The following CDH13 variants were observed in gnomAD, a reference collection of about 807,000 sequenced individuals.
The protein encoded by CDH13 is cadherin-13.
In CDH13, 24 loss-of-function variants were observed where a neutral mutation model predicts 63.8. The ratio of observed to expected loss-of-function variants is 0.38; its 90% CI spans 0.27 to 0.53. CDH13 has a LOEUF of 0.53. Among genes scored for constraint, CDH13 ranks in the 20% least tolerant of loss-of-function variants. The pLI, the probability that CDH13 is intolerant of heterozygous loss-of-function variation, is 0.85. For synonymous variants in CDH13, 503 were observed against 355.3 expected (o/e 1.42, Z -4.67); for missense variants, 1,049 against 903.1 (o/e 1.16, Z -2.07).
chr16:83,681,579 C>T lies in CDH13; in HGVS notation c.1538+3118C>T, dbSNP rs552715340. ...TCCGTTCTTCTCCCCTTCACTCCCT[C>T]CTACCCACCTTTCCCTCCTTTCTCT... On this transcript the variant is annotated intron_variant, in intron 10 of 13. Transcript: ENST00000567109. 1.1e-4 allele frequency among the ~76,000 whole-genome samples: 17 copies of T among 152,266 alleles called. No individual in the cohort carries two copies. In the East Asian group the frequency reaches 3.3e-3, roughly 29 times the overall value.
intron 4 of CDH13, among the ~76,000 whole-genome samples, chr16:83,194,841 C>T (rs966383623): frequency 6.6e-6 from 1 of 152,154 alleles, no homozygotes; most frequent in Middle Eastern, 3.2e-3. Flanking sequence ...CGGTCATCAT[C>T]ATTTCAGGAG....
At chr16:83,691,268 TTC>T (rs1354159865) in intron 10 of CDH13, among the ~76,000 whole-genome samples, 1 of 152,128 alleles carries the variant, frequency 6.6e-6, no homozygotes, top group African/African-American at 2.4e-5. Flanking sequence ...TTCGGTCTTG[TTC>T]TTGTTGAGTT....
chr16:83,334,091 C>T (rs115217515), intron 5 of CDH13, among the ~76,000 whole-genome samples: 1,757 of 152,216 alleles, frequency 0.012, 39 homozygotes, highest in African/African-American at 0.04. Flanking sequence ...TTCCTGGCCT[C>T]ATGGTACCTT....
At chr16:82,890,183 G>C (rs9937259) in intron 2 of CDH13, among the ~76,000 whole-genome samples, 1 of 152,056 alleles carries the variant, frequency 6.6e-6, no homozygotes, top group African/African-American at 2.4e-5. Flanking sequence ...ATGTAGGCTT[G>C]TAAGGAGGGA....
intron 6 of CDH13, among the ~76,000 whole-genome samples, chr16:83,371,656 G>A (rs1233349136): frequency 1.3e-5 from 2 of 152,112 alleles, no homozygotes; most frequent in East Asian, 1.9e-4. Flanking sequence ...TCAATTTAAA[G>A]TATATTGAAA....
chr16:82,717,308 C>T (rs979296978), intron 1 of CDH13, among the ~76,000 whole-genome samples: 5 of 151,832 alleles, frequency 3.3e-5, no homozygotes, highest in African/African-American at 1.2e-4. Flanking sequence ...TGGTGGTTCG[C>T]AGCTGTAATC....
At chr16:83,326,784 C>T (rs1458749544) in intron 5 of CDH13, among the ~76,000 whole-genome samples, 1 of 152,138 alleles carries the variant, frequency 6.6e-6, no homozygotes, top group Non-Finnish European at 1.5e-5. Flanking sequence ...TGACACTGTG[C>T]CAGGAGAGTC....
intron 3 of CDH13, among the ~76,000 whole-genome samples, chr16:83,050,439 C>T (rs996637485): frequency 2.0e-5 from 3 of 152,110 alleles, no homozygotes; most frequent in African/African-American, 7.2e-5. Context: ...AATGCTCTTC[C>T]GTTTGCTGTT....
chr16:83,170,266 GA>G (rs755751854), intron 4 of CDH13, among the ~76,000 whole-genome samples: 3 of 151,646 alleles, frequency 2.0e-5, no homozygotes, highest in East Asian at 1.9e-4. Context: ...TTTTCCTCTA[GA>G]AAAAAAATGT....
intron 10 of CDH13, among the ~76,000 whole-genome samples, chr16:83,723,539 C>T (rs1909966931): frequency 6.6e-6 from 1 of 152,178 alleles, no homozygotes; most frequent in Non-Finnish European, 1.5e-5. Flanking sequence ...TTCAGTCTCA[C>T]TATCATCTCC....
At chr16:83,625,834 C>T (rs1910246865) in intron 8 of CDH13, among the ~76,000 whole-genome samples, 1 of 152,118 alleles carries the variant, frequency 6.6e-6, no homozygotes, top group African/African-American at 2.4e-5. Context: ...AAAGCAAGGT[C>T]GGCCTACCCT....
intron 6 of CDH13, among the ~76,000 whole-genome samples, chr16:83,457,230 T>C (rs902127010): frequency 3.0e-4 from 46 of 152,298 alleles, no homozygotes; most frequent in African/African-American, 1.1e-3. Flanking sequence ...TTTTGGGGAT[T>C]AGACCCAAGA....
At chr16:83,217,676 G>C (rs1413040408) in intron 5 of CDH13, among the ~76,000 whole-genome samples, 179 bp downstream of exon 5, 1 of 152,128 alleles carries the variant, frequency 6.6e-6, no homozygotes, top group Non-Finnish European at 1.5e-5. Context: ...ACAGTGGGGG[G>C]TCTTTATCTC....
intron 1 of CDH13, among the ~76,000 whole-genome samples, chr16:82,805,214 G>A (rs768996934): frequency 3.9e-4 from 59 of 152,182 alleles, no homozygotes; most frequent in Non-Finnish European, 7.8e-4. Flanking sequence ...AGCTGTTGGT[G>A]GGAGAGAGGT....
intron 10 of CDH13, among the ~76,000 whole-genome samples, chr16:83,681,467 G>C (rs935876315): frequency 2.0e-5 from 3 of 152,110 alleles, no homozygotes; most frequent in Non-Finnish European, 4.4e-5. Flanking sequence ...TCACTCCTCA[G>C]GCATATTCCT....
intron 7 of CDH13, among the ~76,000 whole-genome samples, chr16:83,553,698 A>C (rs2075552517): frequency 6.6e-6 from 1 of 152,194 alleles, no homozygotes; most frequent in Non-Finnish European, 1.5e-5. Context: ...TTGGGATTAC[A>C]GGCACCCACC....
intron 3 of CDH13, among the ~76,000 whole-genome samples, chr16:83,094,169 G>A (rs971297689): frequency 6.6e-6 from 1 of 152,200 alleles, no homozygotes; most frequent in Non-Finnish European, 1.5e-5. Flanking sequence ...AAGCAAAGTA[G>A]AAAATGGAGA....
chr16:82,873,885 T>C (rs2040421711), intron 2 of CDH13, among the ~76,000 whole-genome samples: 2 of 152,128 alleles, frequency 1.3e-5, no homozygotes, highest in Non-Finnish European at 2.9e-5. Flanking sequence ...CTTTTAAGTA[T>C]TTTCATGTTC....
chr16:83,037,356 C>A (rs538604605), intron 3 of CDH13, among the ~76,000 whole-genome samples: 1 of 152,262 alleles, frequency 6.6e-6, no homozygotes, highest in South Asian at 2.1e-4. Context: ...GCCTAAATAC[C>A]CATTCTCCTT....
Sources: allele counts gnomAD v4.1 joint callset (sites outside exome capture counted in the v4.1 genomes callset), GRCh38; gene constraint gnomAD v4.1.1; transcripts MANE v1.5; gene names NCBI Gene and HGNC (gene_info 2026-07-23, HGNC 2026-07-21).